Variants in ATP8B2 observed in about 807,000 individuals in gnomAD.
The protein encoded by ATP8B2 is phospholipid-transporting ATPase ID.
Under a neutral mutation model 133.4 loss-of-function variants are expected in ATP8B2, and 70 were observed. The observed-to-expected ratio is 0.52, with a 90% CI of 0.43 to 0.64. ATP8B2 has a LOEUF of 0.64. Among genes scored for constraint, ATP8B2 ranks in the 30% least tolerant of loss-of-function variants. The pLI is 0.00. For synonymous variants in ATP8B2, 517 were observed against 589.5 expected (o/e 0.88, Z 1.78); for missense variants, 1,101 against 1,535.7 (o/e 0.72, Z 4.73).
chr1:154,339,835 A>G (rs116173526), intron 12 of ATP8B2, among the ~76,000 whole-genome samples: 72 of 152,330 alleles, frequency 4.7e-4, no homozygotes, highest in Non-Finnish European at 8.2e-4. Flanking sequence ...GGAAATGCTA[A>G]CAGTGCATAT....
chr1:154,327,748 C>T, intron 1 of ATP8B2: 2 of 1,559,270 alleles, frequency 1.3e-6, no homozygotes, highest in Non-Finnish European at 8.8e-7. Context: ...CTAGTAAGCA[C>T]AAGCACTACT....
Position 154,343,960 on chromosome 1 carries a change from A to C in ATP8B2, c.1826A>C (p.Glu609Ala). 1 of 1,613,936 alleles carries C rather than the reference A, an allele frequency of 6.2e-7. No individual in the cohort carries two copies. The highest frequency in any genetic ancestry group is 8.5e-7 in the Non-Finnish European group (1 of 1,179,898). Residue 609 changes from glutamate (E) to alanine (A), a missense_variant, in exon 18 of 28, where the codon GAG becomes GCG. Transcript: ENST00000368489. The surrounding 1 kb of genome is among the most constrained non-coding windows in gnomAD (Gnocchi z 5.8). ...AAGGATCTGGATGAAGAGTACTACG[A>C]GGAGTGGGCTGAGCGACGCCTCCAG... Reference protein sequence around the residue: ...AYKDLDEEYYEEWAERRLQAS... With the variant: ...AYKDLDEEYYAEWAERRLQAS...
chr1:154,337,853 T>G (rs1686243323), intron 12 of ATP8B2: 1 of 1,018,402 alleles, frequency 9.8e-7, no homozygotes, highest in African/African-American at 1.6e-5. Flanking sequence ...GGAATGGATC[T>G]CCTTCCTTCT....
intron 3 of ATP8B2, 26 bp downstream of exon 3, chr1:154,330,480 C>T (rs1685945644): frequency 3.1e-6 from 5 of 1,611,310 alleles, no homozygotes; most frequent in South Asian, 1.1e-5. Context: ...CCACCTGTTC[C>T]CTCTCTCTGT....
In ATP8B2 at chr1:154,345,828, T is replaced by C; in HGVS notation, c.2723T>C (p.Leu908Pro). The C allele has an allele frequency of 6.2e-7, 1 of 1,613,796 alleles. No individual in the cohort carries two copies. The highest frequency in any genetic ancestry group is 8.5e-7 in the Non-Finnish European group (1 of 1,179,626). ...GTCTATGACCAGTATTTCATCACCC[T>C]GTATAACATCGTGTACACCTCCCTG... The part of the protein sequence containing the change: ...QTVYDQYFIT[L>P]YNIVYTSLPV... The change falls in exon 24 of 28, where the codon CTG becomes CCG. Residue 908 changes from leucine (L) to proline (P), a missense_variant. Coordinates refer to ENST00000368489, the MANE Select transcript of ATP8B2 (RefSeq NM_001370597.1). The surrounding 1 kb of genome is among the most constrained non-coding windows in gnomAD (Gnocchi z 5.6).
At position 154,344,596 on chromosome 1, in the gene ATP8B2, C is replaced by T. The variant is rs1686515845; in HGVS notation, c.2142-45C>T. 4 of 1,608,072 alleles carry T rather than the reference C, an allele frequency of 2.5e-6. No individual in the cohort carries two copies. The highest frequency in any genetic ancestry group is 2.7e-5 in the African/African-American group (2 of 74,922). ...TTTAGACTTGAATCCCTGCTCCCCA[C>T]TGCCGTTCTGGAAGACCACAACCGT... On this transcript the variant is annotated intron_variant, in intron 20 of 27. Transcript: ENST00000368489. The surrounding 1 kb of genome is among the most constrained non-coding windows in gnomAD (Gnocchi z 4.1).
Position 154,340,767 on chromosome 1 carries a change from A to G in ATP8B2, c.1035-87A>G. ...GTCTTCTCCGTTCTTGTCTCTCCCC[A>G]GGCGGAGGGCCTGCAGCGAAGGCCC... On this transcript the variant is annotated intron_variant, in intron 12 of 27. Coordinates refer to ENST00000368489, the MANE Select transcript of ATP8B2 (RefSeq NM_001370597.1). The surrounding 1 kb of genome is among the most constrained non-coding windows in gnomAD (Gnocchi z 4.0). 1 of 1,263,574 alleles carries G rather than the reference A, an allele frequency of 7.9e-7. No homozygotes were observed. Among genetic ancestry groups the G allele is most frequent in the Non-Finnish European group, 1.1e-6 (1 of 874,356 alleles). 78.3% of individuals were successfully genotyped at this position (1,263,574 alleles called of 1,614,324 possible).
rs756709583 is a variant in ATP8B2, at chr1:154,331,517, T to G, written c.365+12T>G. On this transcript the variant is annotated intron_variant, in intron 6 of 27. Transcript: ENST00000368489. The surrounding 1 kb of genome is among the most constrained non-coding windows in gnomAD (Gnocchi z 4.8). ...CTGATCAATGGAATGTGAGTGCCTG[T>G]TGGAGACAAGAGCTCTGGGGACGAA... The G allele has an allele frequency of 1.9e-6, 3 of 1,614,072 alleles. No homozygotes were observed. The highest frequency in any genetic ancestry group is 1.7e-6 in the Non-Finnish European group (2 of 1,179,932).
chr1:154,343,612 T>G lies in ATP8B2; in HGVS notation c.1758+44T>G. On this transcript the variant is annotated intron_variant, in intron 17 of 27. Coordinates refer to ENST00000368489, the MANE Select transcript of ATP8B2 (RefSeq NM_001370597.1). The surrounding 1 kb of genome is among the most constrained non-coding windows in gnomAD (Gnocchi z 5.8). ...GGGGCCAGCCTGGGGGGTTCTACTC[T>G]TAGTGTGGGGGAGGCGACTTAAGTT... 6.4e-7 allele frequency: 1 copy of G among 1,568,220 alleles called. No homozygotes were observed. The highest frequency in any genetic ancestry group is 8.8e-7 in the Non-Finnish European group (1 of 1,139,462).
intron 14 of ATP8B2, 88 bp downstream of exon 14, chr1:154,342,611 A>G: frequency 1.3e-6 from 2 of 1,501,644 alleles, no homozygotes; most frequent in Non-Finnish European, 1.9e-6. Context: ...TGTTGTCTGG[A>G]TAGGAAATGG....
In ATP8B2 at chr1:154,331,133, C is replaced by T. The variant is rs777113433; in HGVS notation, c.290C>T (p.Ala97Val). The stretch of plus-strand genomic sequence containing the variant: ...CTCACCATCACAGCTGTTAAAGATG[C>T]CACTGATGACTATGTGAGTGGTTTT... The part of the protein sequence containing the change: ...LVLTITAVKD[A>V]TDDYFRHKSD... Residue 97 changes from alanine (A) to valine (V), a missense_variant, in exon 5 of 28, where the codon GCC becomes GTC. Physicochemically the swap from Ala to Val is moderately conservative, Grantham distance 64 (BLOSUM62 0). Coordinates refer to ENST00000368489, the MANE Select transcript of ATP8B2 (RefSeq NM_001370597.1). This position sits in a 1 kb window ranked among gnomAD's most constrained non-coding sequence, Gnocchi z 4.8. 3.1e-6 allele frequency: 5 copies of T among 1,613,288 alleles called. No homozygotes were observed. The highest frequency in any genetic ancestry group is 4.2e-6 in the Non-Finnish European group (5 of 1,179,270).
chr1:154,346,876 T>A lies in ATP8B2; in HGVS notation c.3163+118T>A, dbSNP rs1371187053. 13 of 1,054,390 alleles carry A rather than the reference T, an allele frequency of 1.2e-5. No homozygotes were observed. Among genetic ancestry groups the A allele is most frequent in the Middle Eastern group, 3.3e-4 (1 of 3,006 alleles). The allele number at this position is 1,054,390 out of a possible 1,614,324, so 65.3% of individuals were successfully genotyped here. A position where few individuals can be genotyped will look rare whatever the true frequency, so the allele number is the denominator to read the frequency against. On this transcript the variant is annotated intron_variant, in intron 26 of 27. Transcript: ENST00000368489. This position sits in a 1 kb window ranked among gnomAD's most constrained non-coding sequence, Gnocchi z 4.5. ...TATGTGCCAAGTATTCTGTTTATTT[T>A]ATTTATTTATTTATTTATTTTCGAG...
chr1:154,326,527 C>G (rs1685797074), intron 1 of ATP8B2, among the ~76,000 whole-genome samples: 1 of 152,158 alleles, frequency 6.6e-6, no homozygotes, highest in African/African-American at 2.4e-5. Context: ...CTGTGTGAGA[C>G]TAAGAAGGAA....
rs772387779 is a variant in ATP8B2 at position 154,345,352 on chromosome 1, A to T, written c.2501A>T (p.Gln834Leu). 5.6e-6 allele frequency: 9 copies of T among 1,614,046 alleles called. No individual in the cohort carries two copies. Among genetic ancestry groups the T allele is most frequent in the Non-Finnish European group, 6.8e-6 (8 of 1,180,050 alleles). Reference sequence around the variant, plus strand: ...CACATTGGTGTGGGGATCAGTGGGCAGGAAGGGATCCAGGCTGTCTTGGCC... The same window carrying T: ...CACATTGGTGTGGGGATCAGTGGGCTGGAAGGGATCCAGGCTGTCTTGGCC... ...TAHIGVGISG[Q>L]EGIQAVLASD... Residue 834 changes from glutamine (Q) to leucine (L), a missense_variant, in exon 23 of 28, where the codon CAG becomes CTG. Coordinates refer to ENST00000368489, the MANE Select transcript of ATP8B2 (RefSeq NM_001370597.1). The surrounding 1 kb of genome is among the most constrained non-coding windows in gnomAD (Gnocchi z 5.6).
At chr1:154,330,778 T>C in intron 3 of ATP8B2, 37 bp from the exon 4 acceptor site, 3 of 1,559,718 alleles carry the variant, frequency 1.9e-6, no homozygotes, top group Non-Finnish European at 2.7e-6. Context: ...GGGTTGGGAC[T>C]GGAGACTGCT....
chr1:154,336,458 A>AC (rs1301273335), intron 11 of ATP8B2, among the ~76,000 whole-genome samples: 2 of 62,752 alleles, frequency 3.2e-5, no homozygotes, highest in Non-Finnish European at 7.5e-5. Flanking sequence ...TTAGAAAAAA[A>AC]AAATTGCAAA....
intron 12 of ATP8B2, among the ~76,000 whole-genome samples, chr1:154,339,963 CTT>C (rs1558272325): frequency 6.6e-6 from 1 of 152,086 alleles, no homozygotes; most frequent in Non-Finnish European, 1.5e-5. Context: ...GGGAGGATCT[CTT>C]GAGTTCAGGA....
In ATP8B2 at chr1:154,343,597, TG is replaced by T. The variant is rs1451379136; in HGVS notation, c.1758+35del. On this transcript the variant is annotated intron_variant, in intron 17 of 27. Transcript: ENST00000368489. This position sits in a 1 kb window ranked among gnomAD's most constrained non-coding sequence, Gnocchi z 5.8. ...GGTGTGAGGAGAGGAGGGGCCAGCCTGGGGGGTTCTACTCTTAGTGTGGGGG... is the reference window on the plus strand; with the variant it reads ...GGTGTGAGGAGAGGAGGGGCCAGCCTGGGGGTTCTACTCTTAGTGTGGGGG... 5 of 1,598,404 alleles carry T rather than the reference TG, an allele frequency of 3.1e-6. No homozygotes were observed. The highest frequency in any genetic ancestry group is 1.7e-6 in the Non-Finnish European group (2 of 1,166,148).
chr1:154,337,695 G>T, intron 12 of ATP8B2, 151 bp downstream of exon 12: 1 of 1,564,688 alleles, frequency 6.4e-7, no homozygotes, highest in South Asian at 1.2e-5. Flanking sequence ...TTATCTTTGT[G>T]GGCAGAGCAA....
Sources: gnomAD v4.1 joint callset for allele counts (sites outside exome capture counted in the v4.1 genomes callset) on GRCh38, gnomAD v4.1.1 for gene constraint, Gnocchi (gnomAD v3.1) non-coding constraint, MANE v1.5 for transcripts, NCBI Gene and HGNC (gene_info 2026-07-23, HGNC 2026-07-21) for gene names.